The following C12orf75 variants were observed in gnomAD, a reference collection of about 807,000 sequenced individuals.
C12orf75 encodes the protein overexpressed in colon carcinoma 1 protein.
Under a neutral mutation model 11.4 loss-of-function variants are expected in C12orf75, and 4 were observed. That is an observed-to-expected ratio of 0.35 (90% CI 0.17 to 0.80). The LOEUF is 0.80. Among genes scored for constraint, C12orf75 ranks in the 30% least tolerant of loss-of-function variants. The pLI, the probability that C12orf75 is intolerant of heterozygous loss-of-function variation, is 0.52. For missense variants in C12orf75, 89 were observed against 80.4 expected, an observed-to-expected ratio of 1.11 and a Z score of -0.41; for synonymous variants, 30 against 30.0, an observed-to-expected ratio of 1.00 and a Z score of 0.00.
chr12:105,366,968 A>C (rs761152686), intron 4 of C12orf75, among the ~76,000 whole-genome samples: 6 of 152,234 alleles, frequency 3.9e-5, no homozygotes, highest in Non-Finnish European at 8.8e-5. Flanking sequence ...TGTGAAAATG[A>C]AAGCTAATAT....
chr12:105,338,082 A>G (rs556410176), intron 1 of C12orf75, among the ~76,000 whole-genome samples: 2 of 152,360 alleles, frequency 1.3e-5, no homozygotes, highest in African/African-American at 4.8e-5. Flanking sequence ...TTATAGCTCC[A>G]TATAGACATG....
intron 2 of C12orf75, among the ~76,000 whole-genome samples, chr12:105,356,339 G>A (rs2136148211): frequency 6.6e-6 from 1 of 151,698 alleles, no homozygotes; most frequent in East Asian, 1.9e-4. Flanking sequence ...GAGAGCCATG[G>A]TCTCCAGGGT....
chr12:105,345,561 T>G (rs1405363718), intron 1 of C12orf75, among the ~76,000 whole-genome samples: 1 of 151,730 alleles, frequency 6.6e-6, no homozygotes, highest in Non-Finnish European at 1.5e-5. Flanking sequence ...TTTTGAAATG[T>G]CAAGCAAAGC....
intron 5 of C12orf75, among the ~76,000 whole-genome samples, chr12:105,369,583 A>G (rs1871572822): frequency 2.0e-5 from 3 of 152,016 alleles, no homozygotes; most frequent in Admixed American, 6.6e-5. Flanking sequence ...TGTATTAGGT[A>G]TTTGTCCTAA....
intron 1 of C12orf75, among the ~76,000 whole-genome samples, chr12:105,347,365 A>T (rs577529348): frequency 5.3e-5 from 8 of 152,344 alleles, no homozygotes; most frequent in Non-Finnish European, 1.0e-4. Context: ...CTGAGGGGCA[A>T]GGAAGCCAGT....
intron 2 of C12orf75, among the ~76,000 whole-genome samples, chr12:105,361,580 T>G (rs1353657714): frequency 6.6e-6 from 1 of 152,194 alleles, no homozygotes; most frequent in Non-Finnish European, 1.5e-5. Flanking sequence ...CCTAAAAACC[T>G]AATAACCTGA....
At chr12:105,333,738 G>A (rs1892466197) in intron 1 of C12orf75, among the ~76,000 whole-genome samples, 1 of 152,086 alleles carries the variant, frequency 6.6e-6, no homozygotes, top group African/African-American at 2.4e-5. Flanking sequence ...TAACATGAAA[G>A]CACACTGTAA....
At chr12:105,331,226 T>G (rs959314977) in intron 1 of C12orf75, among the ~76,000 whole-genome samples, 5 of 151,352 alleles carry the variant, frequency 3.3e-5, no homozygotes, top group African/African-American at 1.2e-4. Context: ...AGCTGGCGGG[T>G]CTCAGGGCTC....
At chr12:105,334,705 TCA>T (rs2136139384) in intron 1 of C12orf75, among the ~76,000 whole-genome samples, 1 of 152,362 alleles carries the variant, frequency 6.6e-6, no homozygotes, top group South Asian at 2.1e-4. Flanking sequence ...TCGCTCACTC[TCA>T]CTCTTTCTCT....
chr12:105,361,227 A>G (rs1892861363), intron 2 of C12orf75, among the ~76,000 whole-genome samples: 1 of 152,158 alleles, frequency 6.6e-6, no homozygotes, highest in Non-Finnish European at 1.5e-5. Context: ...CTTAGTAGAG[A>G]TAAGATCTTG....
At chr12:105,361,693 G>A (rs999823551) in intron 2 of C12orf75, among the ~76,000 whole-genome samples, 4 of 151,988 alleles carry the variant, frequency 2.6e-5, no homozygotes, top group South Asian at 2.1e-4. Context: ...TCTTCCTTAC[G>A]CTAAAGCTTG....
chr12:105,359,562 G>A (rs1019547244), intron 2 of C12orf75, among the ~76,000 whole-genome samples: 1 of 152,062 alleles, frequency 6.6e-6, no homozygotes, highest in Non-Finnish European at 1.5e-5. Flanking sequence ...CTTGGGGTCA[G>A]GAGTTCAAGA....
At chr12:105,333,925 C>T (rs914153697) in intron 1 of C12orf75, among the ~76,000 whole-genome samples, 1 of 152,212 alleles carries the variant, frequency 6.6e-6, no homozygotes, top group African/African-American at 2.4e-5. Context: ...TTGAGTTACT[C>T]AGGTAAACTG....
At chr12:105,367,948 T>C (rs1018686512) in intron 5 of C12orf75, among the ~76,000 whole-genome samples, 3 of 152,102 alleles carry the variant, frequency 2.0e-5, no homozygotes, top group Admixed American at 6.6e-5. Flanking sequence ...CCAGTAGAGA[T>C]GGGCAATCGG....
chr12:105,353,667 T>G (rs763838820), intron 2 of C12orf75: 7 of 152,188 alleles, frequency 4.6e-5, no homozygotes, highest in Non-Finnish European at 7.3e-5. Flanking sequence ...CTTAAAGAAG[T>G]CTTGATTTAA....
At chr12:105,347,656 C>T (rs1303849565) in intron 1 of C12orf75, among the ~76,000 whole-genome samples, 1 of 152,194 alleles carries the variant, frequency 6.6e-6, no homozygotes, top group African/African-American at 2.4e-5. Context: ...TGTGGGTCTG[C>T]CTCTCCCAGT....
chr12:105,330,883 G>A lies in C12orf75; in HGVS notation c.-9G>A. The A allele has an allele frequency of 8.0e-7, 1 of 1,254,256 alleles. No individual in the cohort carries two copies. The highest frequency in any genetic ancestry group is 1.0e-6 in the Non-Finnish European group (1 of 1,000,594). 77.7% of individuals were successfully genotyped at this position (1,254,256 alleles called of 1,614,324 possible). A position where few individuals can be genotyped will look rare whatever the true frequency, so the allele number is the denominator to read the frequency against. ...GCTCCGGAGCGCGGCTTCCCCGGCC[G>A]GCTGCGCGATGGGCTGCGGGAACTC... On this transcript the variant is annotated 5_prime_UTR_variant, in exon 1 of 6. Coordinates refer to ENST00000443585, the MANE Select transcript of C12orf75 (RefSeq NM_001145199.2).
chr12:105,336,489 A>G (rs1471714520), intron 1 of C12orf75, among the ~76,000 whole-genome samples: 3 of 152,222 alleles, frequency 2.0e-5, no homozygotes, highest in Non-Finnish European at 4.4e-5. Context: ...TAAGTACCCA[A>G]TATACTACTT....
intron 2 of C12orf75, among the ~76,000 whole-genome samples, chr12:105,354,355 G>C (rs1397946123): frequency 1.3e-5 from 2 of 152,132 alleles, no homozygotes; most frequent in African/African-American, 4.8e-5. Context: ...CTTTACTGAG[G>C]ACTGTGCACC....
Sources: allele counts gnomAD v4.1 joint callset (sites outside exome capture counted in the v4.1 genomes callset), GRCh38; gene constraint gnomAD v4.1.1; transcripts MANE v1.5; gene names NCBI Gene and HGNC (gene_info 2026-07-23, HGNC 2026-07-21).